Variants in GRM8 observed in about 807,000 individuals in gnomAD.
GRM8 encodes the protein glutamate metabotropic receptor 8.
Under a neutral mutation model 87.2 loss-of-function variants are expected in GRM8, and 47 were observed. The observed-to-expected ratio is 0.54, with a 90% CI of 0.43 to 0.69. The LOEUF (loss-of-function observed/expected upper bound fraction) is 0.69. GRM8 is among the 30% of genes least tolerant of loss of function. The pLI is 0.00. For synonymous variants in GRM8, 396 were observed against 404.5 expected (o/e 0.98, Z 0.25); for missense variants, 1,019 against 1,139.2 (o/e 0.89, Z 1.52).
At chr7:126,833,658 C>T (rs192889951) in intron 6 of GRM8, among the ~76,000 whole-genome samples, 185 of 152,220 alleles carry the variant, frequency 1.2e-3, no homozygotes, top group African/African-American at 4.1e-3. Flanking sequence ...CATCATGGAG[C>T]CCCACCTTCA....
At chr7:127,144,238 C>A (rs1828432539) in intron 2 of GRM8, among the ~76,000 whole-genome samples, 1 of 152,050 alleles carries the variant, frequency 6.6e-6, no homozygotes, top group Non-Finnish European at 1.5e-5. Context: ...ACATTAAAGT[C>A]ATAAAGTTTA....
chr7:127,101,623 T>A (rs2133034086), intron 3 of GRM8, among the ~76,000 whole-genome samples: 1 of 152,274 alleles, frequency 6.6e-6, no homozygotes, highest in African/African-American at 2.4e-5. Flanking sequence ...TCAAAAGGCC[T>A]CCCCAGGAGC....
At chr7:127,047,141 T>A (rs971564857) in intron 3 of GRM8, among the ~76,000 whole-genome samples, 42 of 152,290 alleles carry the variant, frequency 2.8e-4, no homozygotes, top group South Asian at 6.2e-4. Flanking sequence ...AAATTTTTTT[T>A]AAAAAGTTTA....
intron 6 of GRM8, among the ~76,000 whole-genome samples, chr7:126,896,792 C>A (rs1239304416): frequency 3.9e-5 from 6 of 151,970 alleles, no homozygotes; most frequent in African/African-American, 1.5e-4. Flanking sequence ...ATAGCATATG[C>A]TCACCACTAT....
chr7:127,088,202 A>G (rs905978559), intron 3 of GRM8, among the ~76,000 whole-genome samples: 4 of 152,274 alleles, frequency 2.6e-5, no homozygotes, highest in Non-Finnish European at 4.4e-5. Flanking sequence ...CTGGTATGCA[A>G]TATGTGCTAT....
chr7:126,752,557 T>C (rs1333086627), intron 7 of GRM8, among the ~76,000 whole-genome samples: 1 of 152,078 alleles, frequency 6.6e-6, no homozygotes, highest in East Asian at 1.9e-4. Context: ...CTAAACACTG[T>C]GAGAATAGCC....
At chr7:127,032,575 G>A (rs1486833311) in intron 3 of GRM8, among the ~76,000 whole-genome samples, 1 of 152,160 alleles carries the variant, frequency 6.6e-6, no homozygotes, top group East Asian at 1.9e-4. Context: ...TTCATTTACT[G>A]TCTCAATTTG....
intron 9 of GRM8, among the ~76,000 whole-genome samples, chr7:126,454,660 G>A (rs909673493): frequency 1.3e-5 from 2 of 151,536 alleles, no homozygotes; most frequent in South Asian, 2.1e-4. Context: ...TCTTTAAAGA[G>A]GTAATTAAGT....
At chr7:127,110,283 A>G (rs1161141255) in intron 2 of GRM8, among the ~76,000 whole-genome samples, 1 of 152,090 alleles carries the variant, frequency 6.6e-6, no homozygotes, top group Non-Finnish European at 1.5e-5. Flanking sequence ...CTCCCCTATG[A>G]CAAGTCTCTG....
At chr7:126,536,903 C>A (rs1815820534) in intron 8 of GRM8, among the ~76,000 whole-genome samples, 3 of 151,874 alleles carry the variant, frequency 2.0e-5, no homozygotes, top group South Asian at 2.1e-4. Context: ...CTTCAAGAAA[C>A]CTTAAAGGTC....
chr7:126,846,530 T>C (rs1407020647), intron 6 of GRM8, among the ~76,000 whole-genome samples: 1 of 152,246 alleles, frequency 6.6e-6, no homozygotes, highest in Non-Finnish European at 1.5e-5. Flanking sequence ...AAATTTTCTG[T>C]AATGAGTTTT....
intron 2 of GRM8, among the ~76,000 whole-genome samples, chr7:127,160,633 T>C (rs1457512956): frequency 6.6e-6 from 1 of 151,914 alleles, no homozygotes; most frequent in Non-Finnish European, 1.5e-5. Flanking sequence ...GCGAACTTAG[T>C]AGGGTGGGCC....
At position 126,912,927 on chromosome 7, in the gene GRM8, T is replaced by C. The variant is rs553872785; in HGVS notation, c.728-8244A>G. Among the ~76,000 whole-genome samples, 210 of 152,322 alleles carry C rather than the reference T, an allele frequency of 1.4e-3. 1 individual carries two copies. Among genetic ancestry groups the C allele is most frequent in the East Asian group, 3.5e-3 (18 of 5,192 alleles). On this transcript the variant is annotated intron_variant, in intron 3 of 10. Transcript: ENST00000339582. Reference sequence around the variant, plus strand: ...AAACAAAGGCAATCTATACAAATGATAGAAAACTGGAATTGTAGCCTGCAC... The same window carrying C: ...AAACAAAGGCAATCTATACAAATGACAGAAAACTGGAATTGTAGCCTGCAC...
intron 6 of GRM8, among the ~76,000 whole-genome samples, chr7:126,841,631 TA>T (rs917525697): frequency 4.6e-5 from 7 of 151,318 alleles, no homozygotes; most frequent in South Asian, 2.1e-4. Context: ...ATTGGATTAT[TA>T]TTTTTTTTTT....
rs1587364218 is a variant in GRM8, at chr7:127,243,534, A to G, written c.-311-19T>C. The stretch of plus-strand genomic sequence containing the variant: ...ATTATTCCTGGGAAGAGGGGAAAAA[A>G]GGGGGTTCAGTTCAGTGGGTCTACA... On this transcript the variant is annotated intron_variant, in intron 1 of 10. Coordinates refer to ENST00000339582, the MANE Select transcript of GRM8 (RefSeq NM_000845.3). 3.5e-6 allele frequency: 1 copy of G among 289,358 alleles called. No homozygotes were observed. Among genetic ancestry groups the G allele is most frequent in the Non-Finnish European group, 6.4e-6 (1 of 155,992 alleles). The allele number at this position is 289,358 out of a possible 1,614,324, so 17.9% of individuals were successfully genotyped here. A position where few individuals can be genotyped will look rare whatever the true frequency, so the allele number is the denominator to read the frequency against.
chr7:126,786,768 T>C (rs1820668325), intron 6 of GRM8, among the ~76,000 whole-genome samples: 2 of 152,304 alleles, frequency 1.3e-5, no homozygotes, highest in African/African-American at 2.4e-5. Context: ...ATAAGACAAA[T>C]TCAAAAGTTC....
At chr7:126,846,125 A>C (rs1796693406) in intron 6 of GRM8, among the ~76,000 whole-genome samples, 3 of 152,192 alleles carry the variant, frequency 2.0e-5, no homozygotes, top group Admixed American at 2.0e-4. Flanking sequence ...AAGTTGCACA[A>C]GTCATATAGA....
intron 6 of GRM8, among the ~76,000 whole-genome samples, chr7:126,834,894 T>C (rs908679420): frequency 1.3e-5 from 2 of 151,916 alleles, no homozygotes; most frequent in African/African-American, 4.8e-5. Context: ...GCTTAGGAGT[T>C]TGAGACCCGG....
intron 3 of GRM8, among the ~76,000 whole-genome samples, chr7:127,093,949 T>C (rs1426578511): frequency 1.3e-5 from 2 of 152,254 alleles, no homozygotes; most frequent in Non-Finnish European, 2.9e-5. Context: ...CAACTATTCA[T>C]CTGCTAGCCT....
Sources: gnomAD v4.1 joint callset for allele counts (sites outside exome capture counted in the v4.1 genomes callset) on GRCh38, gnomAD v4.1.1 for gene constraint, MANE v1.5 for transcripts, NCBI Gene and HGNC (gene_info 2026-07-23, HGNC 2026-07-21) for gene names.